The following ZNF274 variants were observed in gnomAD, a reference collection of about 807,000 sequenced individuals.
ZNF274 encodes the protein neurotrophin receptor-interacting factor homolog.
ZNF274 carries 23 observed loss-of-function variants against 42.5 expected under a neutral mutation model. That is an observed-to-expected ratio of 0.54 (90% confidence interval 0.39 to 0.77). ZNF274 has a LOEUF of 0.77. Ranked by LOEUF, ZNF274 falls within the 30% of genes least tolerant of loss-of-function variation. The pLI is 0.00. For synonymous variants in ZNF274, 292 were observed against 305.4 expected (o/e 0.96, Z 0.46); for missense variants, 679 against 806.5 (o/e 0.84, Z 1.91).
chr19:58,197,992 G>T (rs1289764317), intron 4 of ZNF274, among the ~76,000 whole-genome samples: 1 of 152,144 alleles, frequency 6.6e-6, no homozygotes, highest in Non-Finnish European at 1.5e-5. Flanking sequence ...TAACTTCAAA[G>T]TCTGAAATGT....
intron 2 of ZNF274, 89 bp downstream of exon 2, chr19:58,184,087 C>A (rs1293478667): frequency 1.4e-6 from 2 of 1,432,448 alleles, no homozygotes; most frequent in African/African-American, 1.4e-5. Flanking sequence ...CCTGAGATAC[C>A]CCCATCCTCC....
chr19:58,185,815 A>G lies in ZNF274; in HGVS notation c.137A>G (p.Asn46Ser), dbSNP rs2075691023. ...CTGTACAGGGAAGTGATGCTGGAGA[A>G]CTACAGGAACCTGGTCTCAGTGGGT... ...KSLYREVMLE[N>S]YRNLVSVEHQ... The change falls in exon 3 of 8, where the codon AAC becomes AGC. Residue 46 changes from asparagine to serine, a missense_variant. Physicochemically the swap from Asn to Ser is conservative, Grantham distance 46. Coordinates refer to ENST00000617501, the MANE Select transcript of ZNF274 (RefSeq NM_133502.3). The G allele has an allele frequency of 1.3e-5, 18 of 1,408,394 alleles. No individual in the cohort carries two copies. Among genetic ancestry groups the G allele is most frequent in the Non-Finnish European group, 1.6e-5 (17 of 1,071,146 alleles). 87.2% of individuals were successfully genotyped at this position (1,408,394 alleles called of 1,614,324 possible).
At chr19:58,209,321 C>T (rs1168840714) in intron 5 of ZNF274, 1 of 152,360 alleles carries the variant, frequency 6.6e-6, no homozygotes, top group African/African-American at 2.4e-5. Flanking sequence ...CAGCCTAAGT[C>T]ATCTTGTGGC....
intron 4 of ZNF274, among the ~76,000 whole-genome samples, chr19:58,199,508 G>T (rs1365326309): frequency 2.0e-5 from 3 of 152,174 alleles, no homozygotes; most frequent in African/African-American, 7.2e-5. Context: ...ATCACTTGAG[G>T]CCAGGAGTTC....
intron 4 of ZNF274, among the ~76,000 whole-genome samples, chr19:58,195,648 A>T (rs2146212488): frequency 6.6e-6 from 1 of 152,308 alleles, no homozygotes; most frequent in East Asian, 1.9e-4. Context: ...AATGGCAGTC[A>T]AGTCAGCAGT....
At chr19:58,190,424 C>T (rs1236596029) in intron 4 of ZNF274, among the ~76,000 whole-genome samples, 1 of 152,120 alleles carries the variant, frequency 6.6e-6, no homozygotes, top group African/African-American at 2.4e-5. Flanking sequence ...TATCTAGTCT[C>T]TGACTTAAAT....
intron 4 of ZNF274, among the ~76,000 whole-genome samples, chr19:58,194,348 G>GT (rs2075813289): frequency 9.5e-6 from 1 of 105,582 alleles, no homozygotes; most frequent in Non-Finnish European, 2.1e-5. Context: ...TGTTTTCTGT[G>GT]TTTTTTGTGT....
chr19:58,206,160 A>G lies in ZNF274; in HGVS notation c.257-560A>G, dbSNP rs544117484. Among the ~76,000 whole-genome samples, 9 of 152,266 alleles carry G rather than the reference A, an allele frequency of 5.9e-5. No individual in the cohort carries two copies. The East Asian group carries it at 1.7e-3, about 29-fold the overall frequency. On this transcript the variant is annotated intron_variant, in intron 4 of 7. Coordinates refer to ENST00000617501, the MANE Select transcript of ZNF274 (RefSeq NM_133502.3). Reference sequence around the variant, plus strand: ...GTCTGTGGATTTTTATATTCTGGACATTTCATATAATATGTGGCCTTTTGT... The same window carrying G: ...GTCTGTGGATTTTTATATTCTGGACGTTTCATATAATATGTGGCCTTTTGT...
intron 2 of ZNF274, 62 bp from the exon 3 acceptor site, chr19:58,185,650 C>T: frequency 2.9e-6 from 4 of 1,379,500 alleles, no homozygotes; most frequent in Non-Finnish European, 3.8e-6. Flanking sequence ...GTCAGCCTCC[C>T]CTGTCTTTCT....
intron 4 of ZNF274, among the ~76,000 whole-genome samples, chr19:58,198,734 A>T (rs1372060814): frequency 6.6e-6 from 1 of 152,164 alleles, no homozygotes. Context: ...AACAAACAAA[A>T]CATGGAAAGA....
At chr19:58,191,446 G>C (rs1484632782) in intron 4 of ZNF274, among the ~76,000 whole-genome samples, 4 of 152,122 alleles carry the variant, frequency 2.6e-5, no homozygotes, top group African/African-American at 7.2e-5. Context: ...CCAGCCTCCT[G>C]ATCTTCCTTT....
At position 58,213,141 on chromosome 19, in the gene ZNF274, T is replaced by C. The variant is rs1265244824; in HGVS notation, c.1960T>C (p.Ter654GlnextTer35). The C allele has an allele frequency of 1.2e-6, 2 of 1,605,790 alleles. No individual in the cohort carries two copies. Among genetic ancestry groups the C allele is most frequent in the Non-Finnish European group, 1.7e-6 (2 of 1,175,054 alleles). The change falls in exon 8 of 8, where the codon TAG becomes CAG. Residue 654 changes from the stop codon to glutamine, a stop_lost. Transcript: ENST00000617501. ...TKRKKKQPTS* is the reference protein window; with the variant it reads ...TKRKKKQPTSQ ...GCGAAAGAAGAAACAGCCTACCTCA[T>C]AGCTCTCAAGCCAGTTGAAGAAACC...
At chr19:58,202,152 G>A (rs2146228137) in intron 4 of ZNF274, 1 of 152,386 alleles carries the variant, frequency 6.6e-6, no homozygotes, top group Non-Finnish European at 1.5e-5. Context: ...GTACTCTTCT[G>A]ACTTTTCCCC....
At position 58,207,312 on chromosome 19, in the gene ZNF274, C is replaced by A; in HGVS notation, c.739+110C>A. On this transcript the variant is annotated intron_variant, in intron 5 of 7. Coordinates refer to ENST00000617501, the MANE Select transcript of ZNF274 (RefSeq NM_133502.3). The surrounding 1 kb of genome is among the most constrained non-coding windows in gnomAD (Gnocchi z 5.6). The stretch of plus-strand genomic sequence containing the variant: ...AGGAAGGTCATGGGAAGGATTGTGT[C>A]CGCTCCATACAGACCAAGGACATCC... The A allele has an allele frequency of 1.4e-6, 2 of 1,440,544 alleles. No homozygotes were observed. The highest frequency in any genetic ancestry group is 1.8e-6 in the Non-Finnish European group (2 of 1,088,282). The allele number at this position is 1,440,544 out of a possible 1,614,324, so 89.2% of individuals were successfully genotyped here. A position where few individuals can be genotyped will look rare whatever the true frequency, so the allele number is the denominator to read the frequency against.
intron 4 of ZNF274, among the ~76,000 whole-genome samples, chr19:58,190,323 T>C (rs901121764): frequency 6.6e-6 from 1 of 151,992 alleles, no homozygotes; most frequent in Admixed American, 6.6e-5. Flanking sequence ...AATTTTTTAA[T>C]CATCTGTAAC....
chr19:58,188,617 A>AT (rs1568697390), intron 4 of ZNF274, among the ~76,000 whole-genome samples: 116 of 58,126 alleles, frequency 2.0e-3, no homozygotes, highest in East Asian at 4.3e-3. Context: ...AAAAAAAAAA[A>AT]AAAATATATA....
intron 2 of ZNF274, among the ~76,000 whole-genome samples, chr19:58,185,085 A>C (rs1460283379): frequency 1.4e-5 from 2 of 147,842 alleles, no homozygotes; most frequent in African/African-American, 5.0e-5. Context: ...GCGCCACTGC[A>C]CTCCAGCCTG....
At position 58,213,026 on chromosome 19, in the gene ZNF274, G is replaced by A. The variant is rs1309186324; in HGVS notation, c.1845G>A (p.Gly615=). 6.2e-7 allele frequency: 1 copy of A among 1,613,866 alleles called. No homozygotes were observed. Among genetic ancestry groups the A allele is most frequent in the East Asian group, 2.2e-5 (1 of 44,892 alleles). ...TCAGACATCAGAGGACTCACACCGG[G>A]GAGCGCCCATATGCATGCAACAAAT... ...HLIRHQRTHT[G]ERPYACNKCG... is the part of the protein sequence containing the mutation. Residue 615 remains glycine (G), a synonymous_variant, in exon 8 of 8, where the codon GGG becomes GGA. Coordinates refer to ENST00000617501, the MANE Select transcript of ZNF274 (RefSeq NM_133502.3).
rs1479946012 is a variant in ZNF274 at position 58,212,515 on chromosome 19, C to G, written c.1334C>G (p.Pro445Arg). 1 of 1,613,956 alleles carries G rather than the reference C, an allele frequency of 6.2e-7. No individual in the cohort carries two copies. Among genetic ancestry groups the G allele is most frequent in the Non-Finnish European group, 8.5e-7 (1 of 1,179,906 alleles). The part of the protein sequence containing the change: ...DTNQVLLHKI[P>R]PRKRLRKRDS... ...AACCAAGTTTTGCTCCACAAAATTC[C>G]TCCTAGAAAACGATTGCGCAAACGT... The change falls in exon 8 of 8, where the codon CCT becomes CGT. Residue 445 changes from proline to arginine, a missense_variant. By Grantham distance (103) the Pro-to-Arg change is moderately radical. Around this residue, in one of 2 missense-constraint regions of ZNF274, gnomAD observed 456 missense variants for 590.1 expected, o/e 0.77. Coordinates refer to ENST00000617501, the MANE Select transcript of ZNF274 (RefSeq NM_133502.3). The surrounding 1 kb of genome is among the most constrained non-coding windows in gnomAD (Gnocchi z 4.6).
Sources: allele counts gnomAD v4.1 joint callset (sites outside exome capture counted in the v4.1 genomes callset), GRCh38; gene constraint gnomAD v4.1.1; regional missense constraint gnomAD v4.1.1; non-coding constraint Gnocchi (gnomAD v3.1); transcripts MANE v1.5; gene names NCBI Gene and HGNC (gene_info 2026-07-23, HGNC 2026-07-21).